TADA2A: variants seen among roughly 807,000 people sequenced by gnomAD.
TADA2A encodes the protein transcriptional adaptor 2A, also known as transcriptional adapter 2-alpha.
In TADA2A, 38 loss-of-function variants were observed where a neutral mutation model predicts 67.4. The ratio of observed to expected loss-of-function variants is 0.56; its 90% CI spans 0.44 to 0.74. The LOEUF is 0.74. TADA2A is among the 30% of genes least tolerant of loss of function. The pLI, the probability that TADA2A is intolerant of heterozygous loss-of-function variation, is 0.00. For synonymous variants in TADA2A, 192 were observed against 181.6 expected (o/e 1.06, Z -0.46); for missense variants, 454 against 547.0 (o/e 0.83, Z 1.70).
At chr17:37,448,687 A>G (rs903574045) in intron 8 of TADA2A, among the ~76,000 whole-genome samples, 1 of 152,108 alleles carries the variant, frequency 6.6e-6, no homozygotes, top group Admixed American at 6.5e-5. Flanking sequence ...AATGTCTTCC[A>G]AGTCATTGTT....
intron 7 of TADA2A, among the ~76,000 whole-genome samples, chr17:37,444,471 A>T (rs1201124910): frequency 6.6e-6 from 1 of 152,150 alleles, no homozygotes; most frequent in Non-Finnish European, 1.5e-5. Context: ...TCCTAAACTC[A>T]TAACTATTCC....
intron 1 of TADA2A, among the ~76,000 whole-genome samples, chr17:37,409,966 G>T: frequency 6.6e-6 from 1 of 151,986 alleles, no homozygotes; most frequent in East Asian, 1.9e-4. Context: ...AAGAGTTCGA[G>T]ACCAGCCTGG....
intron 8 of TADA2A, among the ~76,000 whole-genome samples, chr17:37,446,087 G>GTTT (rs1178704173): frequency 8.2e-6 from 1 of 122,074 alleles, no homozygotes; most frequent in Non-Finnish European, 1.7e-5. Context: ...TGAGCGGTGG[G>GTTT]TTTTTTTTTG....
At chr17:37,409,788 A>G (rs753672508) in intron 1 of TADA2A, among the ~76,000 whole-genome samples, 120 of 92,648 alleles carry the variant, frequency 1.3e-3, no homozygotes, top group Non-Finnish European at 2.3e-3. Flanking sequence ...AAAAACAAAA[A>G]CAAAAAGCTG....
At chr17:37,409,310 A>G (rs1251249904) in intron 1 of TADA2A, among the ~76,000 whole-genome samples, 3 of 152,012 alleles carry the variant, frequency 2.0e-5, no homozygotes, top group Non-Finnish European at 4.4e-5. Context: ...GCTGGTCTGA[A>G]ACTCCTGACC....
intron 4 of TADA2A, among the ~76,000 whole-genome samples, chr17:37,433,229 A>C (rs2052624384): frequency 6.6e-6 from 1 of 152,104 alleles, no homozygotes; most frequent in Non-Finnish European, 1.5e-5. Flanking sequence ...CTAGGATTAC[A>C]GGTGTGAGCC....
intron 11 of TADA2A, among the ~76,000 whole-genome samples, chr17:37,466,994 T>A (rs1275537212): frequency 2.6e-5 from 4 of 152,022 alleles, no homozygotes. Context: ...CCATCTCTAC[T>A]AAAAATACAA....
chr17:37,469,857 C>T (rs1239763794), intron 12 of TADA2A, among the ~76,000 whole-genome samples: 1 of 152,174 alleles, frequency 6.6e-6, no homozygotes, highest in Non-Finnish European at 1.5e-5. Flanking sequence ...GAAAACACCA[C>T]GCAGCTCTTC....
intron 11 of TADA2A, among the ~76,000 whole-genome samples, chr17:37,466,511 G>A: frequency 6.6e-6 from 1 of 152,210 alleles, no homozygotes; most frequent in Non-Finnish European, 1.5e-5. Flanking sequence ...TGACATTTGT[G>A]TATGTGGCTT....
chr17:37,406,955 G>A lies in TADA2A; in HGVS notation c.-98+6G>A, dbSNP rs1015962435. The A allele has an allele frequency of 3.0e-5, 3 of 101,418 alleles. No individual in the cohort carries two copies. Among genetic ancestry groups the A allele is most frequent in the African/African-American group, 1.2e-4 (3 of 25,258 alleles). The allele number at this position is 101,418 out of a possible 1,614,324, so 6.3% of individuals were successfully genotyped here. ...GATTAGGGGGTCTCGGCGAGGTGAG[G>A]CGCCAGGCAGCGCTGGGCGGGCGGG... On this transcript the variant is annotated splice_donor_region_variant and intron_variant, in intron 1 of 15. Transcript: ENST00000615182.
chr17:37,422,954 T>G (rs1465695324), intron 2 of TADA2A, among the ~76,000 whole-genome samples: 1 of 152,230 alleles, frequency 6.6e-6, no homozygotes, highest in East Asian at 1.9e-4. Flanking sequence ...AAAATGTGTT[T>G]GTGACTGGGC....
At chr17:37,409,572 G>T (rs893782754) in intron 1 of TADA2A, among the ~76,000 whole-genome samples, 1 of 151,832 alleles carries the variant, frequency 6.6e-6, no homozygotes, top group Admixed American at 6.6e-5. Context: ...TTCGAGACCA[G>T]CCTGGCCAAC....
At chr17:37,422,443 A>G (rs1465311569) in intron 2 of TADA2A, among the ~76,000 whole-genome samples, 1 of 150,640 alleles carries the variant, frequency 6.6e-6, no homozygotes, top group Non-Finnish European at 1.5e-5. Context: ...AGCCTCCCAA[A>G]GTGCTGGGAT....
intron 5 of TADA2A, among the ~76,000 whole-genome samples, chr17:37,438,388 CT>C (rs935849949): frequency 6.6e-6 from 1 of 152,184 alleles, no homozygotes; most frequent in African/African-American, 2.4e-5. Context: ...TTTGGGAACA[CT>C]TTCATATGGA....
chr17:37,460,085 T>TC (rs1260295107), intron 9 of TADA2A, among the ~76,000 whole-genome samples: 1 of 149,570 alleles, frequency 6.7e-6, no homozygotes, highest in East Asian at 2.0e-4. Flanking sequence ...AAAAAACCTT[T>TC]TTTTTTTTTT....
intron 2 of TADA2A, among the ~76,000 whole-genome samples, chr17:37,418,740 C>T (rs1207666404): frequency 1.3e-5 from 2 of 151,918 alleles, no homozygotes; most frequent in Admixed American, 6.6e-5. Context: ...TAGGCGCCCA[C>T]CACCACATCC....
At chr17:37,470,250 A>C (rs1168760630) in intron 12 of TADA2A, 150 bp from the exon 13 acceptor site, 3 of 777,352 alleles carry the variant, frequency 3.9e-6, no homozygotes, top group African/African-American at 3.6e-5. Context: ...GGGAAAATCT[A>C]CTTGGGTCTT....
chr17:37,468,434 T>C (rs2053713970), intron 12 of TADA2A, among the ~76,000 whole-genome samples: 1 of 152,166 alleles, frequency 6.6e-6, no homozygotes, highest in Non-Finnish European at 1.5e-5. Context: ...TTATAGTAGT[T>C]AAGAGCTTGG....
chr17:37,431,468 A>G (rs1281252069), intron 4 of TADA2A, among the ~76,000 whole-genome samples: 3 of 152,186 alleles, frequency 2.0e-5, no homozygotes, highest in African/African-American at 7.2e-5. Flanking sequence ...ATTGTAACCA[A>G]CTACTACATA....
Sources: gnomAD v4.1 joint callset for allele counts (sites outside exome capture counted in the v4.1 genomes callset) on GRCh38, gnomAD v4.1.1 for gene constraint, MANE v1.5 for transcripts, NCBI Gene and HGNC (gene_info 2026-07-23, HGNC 2026-07-21) for gene names.